DSCAML1: variants seen among roughly 807,000 people sequenced by gnomAD.
The protein encoded by DSCAML1 is DS cell adhesion molecule like 1, also known as cell adhesion molecule DSCAML1.
A neutral mutation model predicts 200.5 loss-of-function variants in DSCAML1; 38 were observed. The ratio of observed to expected loss-of-function variants is 0.19; its 90% CI spans 0.15 to 0.25. DSCAML1 has a LOEUF of 0.25. Ranked by LOEUF, DSCAML1 falls within the 10% of genes least tolerant of loss-of-function variation. The pLI, the probability that DSCAML1 is intolerant of heterozygous loss-of-function variation, is 1.00. For synonymous variants in DSCAML1, 1,215 were observed against 1,165.0 expected, an observed-to-expected ratio of 1.04 and a Z score of -0.87; for missense variants, 2,223 against 2,858.8, an observed-to-expected ratio of 0.78 and a Z score of 5.07.
chr11:117,777,676 C>A (rs1466903743), intron 2 of DSCAML1, among the ~76,000 whole-genome samples: 1 of 152,186 alleles, frequency 6.6e-6, no homozygotes, highest in Non-Finnish European at 1.5e-5. Context: ...CTACAGCACC[C>A]CTCCCTGACC....
At chr11:117,710,080 G>A (rs2053820751) in intron 3 of DSCAML1, among the ~76,000 whole-genome samples, 1 of 152,130 alleles carries the variant, frequency 6.6e-6, no homozygotes, top group South Asian at 2.1e-4. Context: ...CTGTTCTGAT[G>A]GTCTGGGATT....
intron 3 of DSCAML1, among the ~76,000 whole-genome samples, chr11:117,575,331 T>G (rs1211491168): frequency 6.6e-6 from 1 of 152,178 alleles, no homozygotes; most frequent in African/African-American, 2.4e-5. Context: ...CCACAAGCAC[T>G]AGAAGAAATG....
At chr11:117,601,894 A>G (rs2051472304) in intron 3 of DSCAML1, among the ~76,000 whole-genome samples, 1 of 152,140 alleles carries the variant, frequency 6.6e-6, no homozygotes, top group Non-Finnish European at 1.5e-5. Flanking sequence ...GTCTAGGCCA[A>G]CTCAGCTGAG....
intron 3 of DSCAML1, among the ~76,000 whole-genome samples, chr11:117,629,085 TA>T (rs1028480673): frequency 6.6e-6 from 1 of 152,156 alleles, no homozygotes; most frequent in African/African-American, 2.4e-5. Context: ...ATGAACTTCC[TA>T]AACTCGGGTG....
chr11:117,486,326 G>A (rs1237888627), intron 11 of DSCAML1, among the ~76,000 whole-genome samples: 1 of 151,714 alleles, frequency 6.6e-6, no homozygotes, highest in Non-Finnish European at 1.5e-5. Context: ...GAAAGTAGCG[G>A]ATGTGAAAAT....
Position 117,437,049 on chromosome 11 carries a change from T to TGCCACTCTGCCCACTTCCTTCGC in DSCAML1, c.4720+50_4720+72dup. 1 of 1,532,362 alleles carries TGCCACTCTGCCCACTTCCTTCGC rather than the reference T, an allele frequency of 6.5e-7. No individual in the cohort carries two copies. Among genetic ancestry groups the TGCCACTCTGCCCACTTCCTTCGC allele is most frequent in the Non-Finnish European group, 8.8e-7 (1 of 1,136,512 alleles). The allele number at this position is 1,532,362 out of a possible 1,614,324, so 94.9% of individuals were successfully genotyped here. On this transcript the variant is annotated intron_variant, in intron 26 of 32. Transcript: ENST00000651296. The surrounding 1 kb of genome is among the most constrained non-coding windows in gnomAD (Gnocchi z 5.3). ...CTATTAGTCTGTCTCTTTATGTATC[T>TGCCACTCTGCCCACTTCCTTCGC]GCCACTCTGCCCACTTCCTTCGCAC...
At chr11:117,546,483 T>A (rs2050375765) in intron 3 of DSCAML1, among the ~76,000 whole-genome samples, 1 of 152,156 alleles carries the variant, frequency 6.6e-6, no homozygotes, top group Admixed American at 6.5e-5. Flanking sequence ...TGGATCTCAG[T>A]CTCCAAGTCC....
chr11:117,532,136 A>G (rs1452049283), intron 4 of DSCAML1, among the ~76,000 whole-genome samples: 1 of 147,530 alleles, frequency 6.8e-6, no homozygotes, highest in Non-Finnish European at 1.5e-5. Flanking sequence ...AAAGACAAAA[A>G]AAAAAGGAAA....
intron 3 of DSCAML1, among the ~76,000 whole-genome samples, chr11:117,578,235 C>T (rs1381418001): frequency 1.1e-4 from 2 of 18,294 alleles, no homozygotes; most frequent in South Asian, 2.0e-3. Context: ...AACTCTGTCT[C>T]GAAAAAAAAA....
At chr11:117,520,792 A>AT (rs2049871405) in intron 6 of DSCAML1, among the ~76,000 whole-genome samples, 1 of 139,940 alleles carries the variant, frequency 7.1e-6, no homozygotes, top group Non-Finnish European at 1.7e-5. Flanking sequence ...GCATGGTGCA[A>AT]GATGGTCCCT....
chr11:117,808,822 C>T (rs1218339131), intron 1 of DSCAML1, among the ~76,000 whole-genome samples: 1 of 152,228 alleles, frequency 6.6e-6, no homozygotes, highest in Non-Finnish European at 1.5e-5. Context: ...CTTCATCCCT[C>T]ACCCACTTTA....
At chr11:117,548,855 C>T (rs748211661) in intron 3 of DSCAML1, among the ~76,000 whole-genome samples, 23 of 152,162 alleles carry the variant, frequency 1.5e-4, no homozygotes, top group Non-Finnish European at 2.9e-4. Context: ...AGAGAGTTAC[C>T]GGGAGGAGTC....
At chr11:117,474,297 G>A (rs1658504305) in intron 14 of DSCAML1, among the ~76,000 whole-genome samples, 1 of 152,004 alleles carries the variant, frequency 6.6e-6, no homozygotes, top group Non-Finnish European at 1.5e-5. Context: ...CCCCTACTCA[G>A]CTCCATAATA....
At chr11:117,622,861 A>G (rs566281970) in intron 3 of DSCAML1, among the ~76,000 whole-genome samples, 2 of 152,290 alleles carry the variant, frequency 1.3e-5, no homozygotes, top group Non-Finnish European at 2.9e-5. Context: ...AGATTCAATA[A>G]GTAATACAGA....
In DSCAML1 at chr11:117,680,614, C is replaced by T. The variant is rs80294925; in HGVS notation, c.511+96177G>A. ...GCCAGCAGAGCAGCCTTCCCATCATCGCTGTGGCCTGTGCTGGCCAGGCTG... is the reference window on the plus strand; with the variant it reads ...GCCAGCAGAGCAGCCTTCCCATCATTGCTGTGGCCTGTGCTGGCCAGGCTG... On this transcript the variant is annotated intron_variant, in intron 3 of 32. Transcript: ENST00000651296. 3.3e-3 allele frequency among the ~76,000 whole-genome samples: 510 copies of T among 152,352 alleles called. 2 individuals are homozygous for T. The highest frequency in any genetic ancestry group is 0.011 in the African/African-American group (451 of 41,580).
intron 6 of DSCAML1, among the ~76,000 whole-genome samples, chr11:117,519,131 A>C (rs917957767): frequency 2.0e-5 from 3 of 152,238 alleles, no homozygotes; most frequent in Non-Finnish European, 4.4e-5. Flanking sequence ...GGCTTCACAC[A>C]GCGCTTTGTA....
At chr11:117,553,417 A>C (rs537448131) in intron 3 of DSCAML1, among the ~76,000 whole-genome samples, 1 of 152,344 alleles carries the variant, frequency 6.6e-6, no homozygotes, top group East Asian at 1.9e-4. Context: ...AGAATATATA[A>C]AGAATGCTTA....
intron 20 of DSCAML1, among the ~76,000 whole-genome samples, chr11:117,445,777 AAG>A (rs1379236441): frequency 9.2e-5 from 14 of 152,216 alleles, no homozygotes; most frequent in Non-Finnish European, 1.5e-5. Flanking sequence ...CAGGCAGGGC[AAG>A]AAAGTTTGGC....
chr11:117,777,721 C>T (rs2055155070), intron 2 of DSCAML1, among the ~76,000 whole-genome samples: 2 of 152,114 alleles, frequency 1.3e-5, no homozygotes, highest in Non-Finnish European at 2.9e-5. Context: ...ACCATCCCTT[C>T]CCCCACCGTG....
Sources: allele counts gnomAD v4.1 joint callset (sites outside exome capture counted in the v4.1 genomes callset), GRCh38; gene constraint gnomAD v4.1.1; non-coding constraint Gnocchi (gnomAD v3.1); transcripts MANE v1.5; gene names NCBI Gene and HGNC (gene_info 2026-07-23, HGNC 2026-07-21).